Variants in NKAIN2 observed in about 807,000 individuals in gnomAD.
NKAIN2 encodes sodium/potassium-transporting ATPase subunit beta-1-interacting protein 2.
NKAIN2 carries 14 observed loss-of-function variants against 32.6 expected under a neutral mutation model. The ratio of observed to expected loss-of-function variants is 0.43; its 90% confidence interval spans 0.28 to 0.67. The LOEUF is 0.67. NKAIN2 is among the 30% of genes least tolerant of loss of function. NKAIN2 has a pLI of 0.17. For synonymous variants in NKAIN2, 80 were observed against 87.2 expected, an observed-to-expected ratio of 0.92 and a Z score of 0.46; for missense variants, 198 against 258.3, an observed-to-expected ratio of 0.77 and a Z score of 1.60.
At chr6:124,114,050 A>ATT (rs1785502202) in intron 1 of NKAIN2, among the ~76,000 whole-genome samples, 1 of 152,304 alleles carries the variant, frequency 6.6e-6, no homozygotes, top group South Asian at 2.1e-4. Flanking sequence ...GTAGGCATGT[A>ATT]TTTAACACTG....
intron 3 of NKAIN2, chr6:124,391,188 T>G (rs1439764476): frequency 6.6e-6 from 1 of 152,132 alleles, no homozygotes; most frequent in East Asian, 1.9e-4. Context: ...GAATGCTTAC[T>G]GAGTAGTATC....
At chr6:124,244,237 C>G (rs1264920098) in intron 1 of NKAIN2, among the ~76,000 whole-genome samples, 1 of 110,874 alleles carries the variant, frequency 9.0e-6, no homozygotes, top group South Asian at 3.8e-4. Flanking sequence ...CTATCCCTCC[C>G]CCCTCCCCCC....
At chr6:124,726,137 GC>G (rs1414291069) in intron 4 of NKAIN2, among the ~76,000 whole-genome samples, 3 of 152,168 alleles carry the variant, frequency 2.0e-5, no homozygotes, top group South Asian at 2.1e-4. Context: ...GGGGAGGGGC[GC>G]CCACCATTGC....
rs117029041 is a variant in NKAIN2 at position 124,162,489 on chromosome 6, T to G, written c.55-120516T>G. The stretch of plus-strand genomic sequence containing the variant: ...GGTACAGCATAGAGGGGATGAACTA[T>G]GCATGTGTATAGCAGAGAATGGATC... On this transcript the variant is annotated intron_variant, in intron 1 of 6. Transcript: ENST00000368417. Among the ~76,000 whole-genome samples the G allele has an allele frequency of 8.8e-3, 1,338 of 152,266 alleles. 10 individuals carry two copies. Among genetic ancestry groups the G allele is most frequent in the Non-Finnish European group, 0.012 (830 of 67,996 alleles).
rs146404131 is a variant in NKAIN2, at chr6:124,077,674, G to T, written c.55-205331G>T. The stretch of plus-strand genomic sequence containing the variant: ...ACAGAGTCTGCAAACATGGCTTACT[G>T]CAGACTTGATCTCCTGGGCTCAAGG... On this transcript the variant is annotated intron_variant, in intron 1 of 6. Transcript: ENST00000368417. 5.9e-3 allele frequency among the ~76,000 whole-genome samples: 884 copies of T among 150,872 alleles called. 13 individuals carry two copies. Among genetic ancestry groups the T allele is most frequent in the African/African-American group, 0.021 (850 of 41,020 alleles).
At chr6:124,550,624 T>G (rs1780252930) in intron 3 of NKAIN2, among the ~76,000 whole-genome samples, 1 of 152,152 alleles carries the variant, frequency 6.6e-6, no homozygotes, top group Non-Finnish European at 1.5e-5. Flanking sequence ...GTAAGGATTT[T>G]GTATGATAGT....
chr6:124,424,422 A>AT (rs1236050144), intron 3 of NKAIN2, among the ~76,000 whole-genome samples: 1 of 151,414 alleles, frequency 6.6e-6, no homozygotes, highest in Non-Finnish European at 1.5e-5. Context: ...AGTACACTTA[A>AT]TATCTACCAT....
chr6:124,805,549 G>C (rs1780505404), intron 5 of NKAIN2, among the ~76,000 whole-genome samples: 2 of 151,648 alleles, frequency 1.3e-5, no homozygotes, highest in Admixed American at 1.3e-4. Flanking sequence ...GGAAAAAACA[G>C]AGCAGAAAAA....
chr6:124,402,961 T>TA (rs921894335), intron 3 of NKAIN2, among the ~76,000 whole-genome samples: 1 of 152,002 alleles, frequency 6.6e-6, no homozygotes, highest in Non-Finnish European at 1.5e-5. Context: ...AAATAAAAGT[T>TA]AAAAAAAATT....
At chr6:124,772,918 C>T (rs1039307892) in intron 4 of NKAIN2, among the ~76,000 whole-genome samples, 16 of 152,122 alleles carry the variant, frequency 1.1e-4, no homozygotes, top group African/African-American at 3.6e-4. Flanking sequence ...TACTAGTATG[C>T]AATATACCCA....
At position 123,985,503 on chromosome 6, in the gene NKAIN2, C is replaced by T. The variant is rs149320868; in HGVS notation, c.54+181249C>T. ...CTACATGTACTGTCCTGGAAAGACACATGACATGCTGTTGAGTGAAGATAA... is the reference window on the plus strand; with the variant it reads ...CTACATGTACTGTCCTGGAAAGACATATGACATGCTGTTGAGTGAAGATAA... On this transcript the variant is annotated intron_variant, in intron 1 of 6. Transcript: ENST00000368417. 1.4e-3 allele frequency among the ~76,000 whole-genome samples: 207 copies of T among 152,296 alleles called. 1 individual carries two copies. Among genetic ancestry groups the T allele is most frequent in the African/African-American group, 4.8e-3 (198 of 41,572 alleles).
At chr6:124,446,457 C>T (rs1282748525) in intron 3 of NKAIN2, among the ~76,000 whole-genome samples, 4 of 152,030 alleles carry the variant, frequency 2.6e-5, no homozygotes, top group Non-Finnish European at 5.9e-5. Context: ...ATCCTCCCAC[C>T]TCAGCTTCCA....
chr6:123,832,332 T>C (rs1774422300), intron 1 of NKAIN2, among the ~76,000 whole-genome samples: 1 of 152,214 alleles, frequency 6.6e-6, no homozygotes, highest in African/African-American at 2.4e-5. Flanking sequence ...CTGAATAATA[T>C]TTCATTGTCT....
rs150305911 is a variant in NKAIN2 at position 124,387,688 on chromosome 6, A to G, written c.273+32341A>G. Reference sequence around the variant, plus strand: ...AATCTATAGACTGATGGTTTAATCTATACAAATCAGAATAAGAATACCTAT... The same window carrying G: ...AATCTATAGACTGATGGTTTAATCTGTACAAATCAGAATAAGAATACCTAT... On this transcript the variant is annotated intron_variant, in intron 3 of 6. Coordinates refer to ENST00000368417, the MANE Select transcript of NKAIN2 (RefSeq NM_001040214.3). Among the ~76,000 whole-genome samples the G allele has an allele frequency of 2.7e-4, 41 of 152,244 alleles. No individual in the cohort carries two copies. In the East Asian group the frequency reaches 7.0e-3, roughly 26 times the overall value.
At chr6:124,179,327 T>C (rs879767815) in intron 1 of NKAIN2, among the ~76,000 whole-genome samples, 1 of 152,178 alleles carries the variant, frequency 6.6e-6, no homozygotes, top group Non-Finnish European at 1.5e-5. Flanking sequence ...GACATGTTCT[T>C]CAGCTATTCT....
intron 1 of NKAIN2, among the ~76,000 whole-genome samples, chr6:124,007,921 G>T (rs2114727643): frequency 6.6e-6 from 1 of 152,212 alleles, no homozygotes; most frequent in Middle Eastern, 3.4e-3. Context: ...GAGTTTTGGG[G>T]TTACAGGCAA....
At chr6:124,605,326 T>C (rs1303532577) in intron 3 of NKAIN2, among the ~76,000 whole-genome samples, 1 of 152,064 alleles carries the variant, frequency 6.6e-6, no homozygotes, top group Non-Finnish European at 1.5e-5. Flanking sequence ...ACTGTTTGCA[T>C]AGGCACTATT....
rs201777883 is a variant in NKAIN2, at chr6:124,490,228, G to GA, written c.273+134890dup. On this transcript the variant is annotated intron_variant, in intron 3 of 6. Coordinates refer to ENST00000368417, the MANE Select transcript of NKAIN2 (RefSeq NM_001040214.3). Reference sequence around the variant, plus strand: ...CAAGTTCCTTGAAACATTCAGGAAAGAAAAAAAAACTAAGCCAATTCCCTG... The same window carrying GA: ...CAAGTTCCTTGAAACATTCAGGAAAGAAAAAAAAAACTAAGCCAATTCCCTG... Among the ~76,000 whole-genome samples the GA allele has an allele frequency of 1.1e-4, 17 of 150,262 alleles. No individual in the cohort carries two copies. In the East Asian group the frequency reaches 1.2e-3, roughly 10 times the overall value.
At chr6:124,314,826 T>C (rs1796875098) in intron 2 of NKAIN2, among the ~76,000 whole-genome samples, 3 of 152,086 alleles carry the variant, frequency 2.0e-5, no homozygotes, top group African/African-American at 7.2e-5. Context: ...CACTGCAATA[T>C]CCATTACAGA....
Sources: allele counts gnomAD v4.1 joint callset (sites outside exome capture counted in the v4.1 genomes callset), GRCh38; gene constraint gnomAD v4.1.1; transcripts MANE v1.5; gene names NCBI Gene and HGNC (gene_info 2026-07-23, HGNC 2026-07-21).